Variants in MYT1L observed in about 807,000 individuals in gnomAD.
The protein encoded by MYT1L is myelin transcription factor 1 like.
Under a neutral mutation model 126.7 loss-of-function variants are expected in MYT1L, and 12 were observed. That is an observed-to-expected ratio of 0.09 (90% CI 0.06 to 0.15). MYT1L has a LOEUF of 0.15. MYT1L is among the 10% of genes least tolerant of loss of function. The pLI is 1.00. For synonymous variants in MYT1L, 541 were observed against 604.2 expected, an observed-to-expected ratio of 0.90 and a Z score of 1.53; for missense variants, 979 against 1,585.2, an observed-to-expected ratio of 0.62 and a Z score of 6.49.
At chr2:2,285,283 C>T (rs1311373364) in intron 1 of MYT1L, among the ~76,000 whole-genome samples, 1 of 152,132 alleles carries the variant, frequency 6.6e-6, no homozygotes, top group Non-Finnish European at 1.5e-5. Context: ...ACCTCAAACG[C>T]AGCTTGCCTA....
intron 18 of MYT1L, among the ~76,000 whole-genome samples, chr2:1,854,538 G>A (rs1201365929): frequency 1.3e-5 from 2 of 152,068 alleles, no homozygotes; most frequent in African/African-American, 4.8e-5. Context: ...AATCAAATTA[G>A]GTTTCAGTAA....
At chr2:2,074,095 G>T (rs1396565570) in intron 3 of MYT1L, among the ~76,000 whole-genome samples, 7 of 152,268 alleles carry the variant, frequency 4.6e-5, no homozygotes. Context: ...AATGTTAAGA[G>T]AAACATAAAT....
intron 2 of MYT1L, among the ~76,000 whole-genome samples, chr2:2,234,838 T>G (rs982066467): frequency 2.0e-5 from 3 of 152,180 alleles, no homozygotes; most frequent in Non-Finnish European, 4.4e-5. Flanking sequence ...AGGCTCTGAT[T>G]GCACTGTGTT....
chr2:2,084,282 T>C (rs1266392746), intron 3 of MYT1L, among the ~76,000 whole-genome samples: 1 of 152,224 alleles, frequency 6.6e-6, no homozygotes, highest in Non-Finnish European at 1.5e-5. Flanking sequence ...TCAGTTCTTG[T>C]CCTAAAGAAG....
intron 3 of MYT1L, among the ~76,000 whole-genome samples, chr2:2,067,115 G>A (rs1043849199): frequency 6.6e-6 from 1 of 152,144 alleles, no homozygotes; most frequent in Non-Finnish European, 1.5e-5. Context: ...AAAGGGTCAG[G>A]AATATCTCCA....
chr2:1,973,460 A>G (rs1488810033), intron 8 of MYT1L, among the ~76,000 whole-genome samples: 2 of 152,204 alleles, frequency 1.3e-5, no homozygotes, highest in Non-Finnish European at 2.9e-5. Flanking sequence ...ACAGTATTTT[A>G]TATCAACATG....
intron 4 of MYT1L, among the ~76,000 whole-genome samples, chr2:2,019,682 C>T (rs1407551212): frequency 6.6e-6 from 1 of 152,244 alleles, no homozygotes; most frequent in African/African-American, 2.4e-5. Flanking sequence ...CATGTATCTA[C>T]ATGCATGCAT....
At chr2:1,862,430 G>C (rs1424582129) in intron 18 of MYT1L, among the ~76,000 whole-genome samples, 1 of 152,164 alleles carries the variant, frequency 6.6e-6, no homozygotes, top group African/African-American at 2.4e-5. Flanking sequence ...CGGTTCCCTT[G>C]TTATCAATAA....
chr2:2,108,931 G>A (rs1402025208), intron 3 of MYT1L, among the ~76,000 whole-genome samples: 1 of 152,168 alleles, frequency 6.6e-6, no homozygotes, highest in East Asian at 1.9e-4. Context: ...GTGTTGTCTG[G>A]CTGTGGCTGG....
chr2:2,157,595 C>A (rs2086935004), intron 3 of MYT1L, among the ~76,000 whole-genome samples: 1 of 152,072 alleles, frequency 6.6e-6, no homozygotes, highest in South Asian at 2.1e-4. Context: ...GTGAGAAAGT[C>A]AGATGATACA....
rs2054598578 is a variant in MYT1L at position 1,929,037 on chromosome 2, T to C, written c.506-5774A>G. 1.3e-5 allele frequency among the ~76,000 whole-genome samples: 2 copies of C among 151,918 alleles called. No individual in the cohort carries two copies. On this transcript the variant is annotated intron_variant, in intron 9 of 24. Coordinates refer to ENST00000647738, the MANE Select transcript of MYT1L (RefSeq NM_001303052.2). The surrounding 1 kb of genome is among the most constrained non-coding windows in gnomAD (Gnocchi z 4.7). Reference sequence around the variant, plus strand: ...GACTCTTATGCAGGCAGTGGTCGCATGTTTATGTGGAGCCCCTGGCTACTC... The same window carrying C: ...GACTCTTATGCAGGCAGTGGTCGCACGTTTATGTGGAGCCCCTGGCTACTC...
chr2:2,039,572 C>T (rs2067287836), intron 4 of MYT1L, among the ~76,000 whole-genome samples: 1 of 152,150 alleles, frequency 6.6e-6, no homozygotes, highest in African/African-American at 2.4e-5. Context: ...GTGTGAATTG[C>T]TCAGGAAAAA....
At chr2:1,965,986 G>A (rs2059325223) in intron 8 of MYT1L, among the ~76,000 whole-genome samples, 1 of 152,254 alleles carries the variant, frequency 6.6e-6, no homozygotes, top group African/African-American at 2.4e-5. Context: ...ACGCCCTAGG[G>A]CCTGCACTGC....
At chr2:2,282,312 T>C (rs939682242) in intron 2 of MYT1L, among the ~76,000 whole-genome samples, 1 of 152,246 alleles carries the variant, frequency 6.6e-6, no homozygotes, top group Non-Finnish European at 1.5e-5. Flanking sequence ...ACTGAGTTTA[T>C]GAAAATTTAG....
intron 2 of MYT1L, among the ~76,000 whole-genome samples, chr2:2,195,567 A>G (rs1032070173): frequency 2.6e-5 from 4 of 152,228 alleles, no homozygotes. Flanking sequence ...GTATGACATG[A>G]TAGATTTGAC....
rs139471683 is a variant in MYT1L at position 2,196,992 on chromosome 2, G to C, written c.-420-24004C>G. Among the ~76,000 whole-genome samples, 16 of 151,942 alleles carry C rather than the reference G, an allele frequency of 1.1e-4. 2 individuals carry two copies. The highest frequency in any genetic ancestry group is 3.6e-4 in the African/African-American group (15 of 41,506). Reference sequence around the variant, plus strand: ...AATGTAAGGACACAAAAAGGTTGAAGATAAAAAAAGAAGAAATATATTACA... The same window carrying C: ...AATGTAAGGACACAAAAAGGTTGAACATAAAAAAAGAAGAAATATATTACA... On this transcript the variant is annotated intron_variant, in intron 2 of 24. Transcript: ENST00000647738.
At chr2:1,869,917 T>C (rs2046064743) in intron 18 of MYT1L, among the ~76,000 whole-genome samples, 1 of 152,180 alleles carries the variant, frequency 6.6e-6, no homozygotes, top group Non-Finnish European at 1.5e-5. Flanking sequence ...GGAAACAAGC[T>C]AGTCACCTAA....
intron 18 of MYT1L, among the ~76,000 whole-genome samples, chr2:1,870,963 C>G (rs941707835): frequency 6.6e-6 from 1 of 152,176 alleles, no homozygotes; most frequent in Non-Finnish European, 1.5e-5. Flanking sequence ...CTTTACCCGC[C>G]CTGCCCTAGG....
intron 3 of MYT1L, among the ~76,000 whole-genome samples, chr2:2,111,821 G>GCCTGGGGGTCCT (rs2079499634): frequency 6.6e-6 from 1 of 152,228 alleles, no homozygotes; most frequent in South Asian, 2.1e-4. Context: ...TGAAAGTCGA[G>GCCTGGGGGTCCT]CCTGGGGGTC....
Sources: allele counts gnomAD v4.1 joint callset (sites outside exome capture counted in the v4.1 genomes callset), GRCh38; gene constraint gnomAD v4.1.1; non-coding constraint Gnocchi (gnomAD v3.1); transcripts MANE v1.5; gene names NCBI Gene and HGNC (gene_info 2026-07-23, HGNC 2026-07-21).